The following MIER1 variants were observed in gnomAD, a reference collection of about 807,000 sequenced individuals.
MIER1 encodes mesoderm induction early response protein 1.
MIER1 carries 40 observed loss-of-function variants against 75.7 expected under a neutral mutation model. That is an observed-to-expected ratio of 0.53 (90% CI 0.41 to 0.69). The LOEUF (loss-of-function observed/expected upper bound fraction) is 0.69. Ranked by LOEUF, MIER1 falls within the 30% of genes least tolerant of loss-of-function variation. The pLI, the probability that MIER1 is intolerant of heterozygous loss-of-function variation, is 0.00. For missense variants in MIER1, 574 were observed against 680.2 expected (o/e 0.84, Z 1.74); for synonymous variants, 213 against 223.4 (o/e 0.95, Z 0.42).
intron 1 of MIER1, chr1:66,925,649 C>T (rs999849128): frequency 3.1e-6 from 2 of 654,216 alleles, no homozygotes; most frequent in Non-Finnish European, 3.8e-6. Flanking sequence ...TGGGAGGATC[C>T]CTTGGGACAG....
chr1:66,969,199 A>G (rs1423778896), intron 8 of MIER1, among the ~76,000 whole-genome samples: 1 of 152,164 alleles, frequency 6.6e-6, no homozygotes. Context: ...AAACAAGGGA[A>G]GATAGAAGAA....
intron 2 of MIER1, among the ~76,000 whole-genome samples, chr1:66,934,569 C>CG (rs1654289087): frequency 1.1e-5 from 1 of 94,592 alleles, no homozygotes; most frequent in African/African-American, 4.5e-5. Flanking sequence ...CCATCATGCC[C>CG]GGCTTTTTTT....
chr1:66,938,262 C>T (rs1221409315), intron 2 of MIER1, among the ~76,000 whole-genome samples: 1 of 152,168 alleles, frequency 6.6e-6, no homozygotes, highest in East Asian at 1.9e-4. Context: ...TTCAAAATCT[C>T]TATTGTTAAT....
chr1:66,944,142 G>T (rs1157407697), intron 3 of MIER1, among the ~76,000 whole-genome samples: 1 of 151,982 alleles, frequency 6.6e-6, no homozygotes, highest in East Asian at 1.9e-4. Flanking sequence ...ATTATTGTGA[G>T]TAACTGAAGA....
intron 9 of MIER1, among the ~76,000 whole-genome samples, chr1:66,971,321 CATT>C (rs1414095127): frequency 6.6e-6 from 1 of 151,888 alleles, no homozygotes; most frequent in Non-Finnish European, 1.5e-5. Context: ...CCTTTTTAAT[CATT>C]GTTTTTTTCT....
chr1:66,959,672 A>T lies in MIER1; in HGVS notation c.635-7A>T. ...ATTTTATAGTATTGGTGTCTTATTT[A>T]TTCTAGATAGTGAAGTAGAAGAAGA... On this transcript the variant is annotated splice_region_variant and splice_polypyrimidine_tract_variant and intron_variant, in intron 6 of 13. Coordinates refer to ENST00000401041, the MANE Select transcript of MIER1 (RefSeq NM_001077700.3). 7.6e-7 allele frequency: 1 copy of T among 1,317,220 alleles called. No individual in the cohort carries two copies. The highest frequency in any genetic ancestry group is 1.0e-6 in the Non-Finnish European group (1 of 964,130). 81.6% of individuals were successfully genotyped at this position (1,317,220 alleles called of 1,614,324 possible).
At position 66,984,637 on chromosome 1, in the gene MIER1, A is replaced by G; in HGVS notation, c.1435A>G (p.Ile479Val). 6.2e-7 allele frequency: 1 copy of G among 1,613,862 alleles called. No individual in the cohort carries two copies. Among genetic ancestry groups the G allele is most frequent in the Admixed American group, 1.7e-5 (1 of 59,996 alleles). Reference protein sequence around the residue: ...KEEVKVEGLHINGPTGGNKKP... With the variant: ...KEEVKVEGLHVNGPTGGNKKP... ...GGAAGTAAAAGTTGAAGGGTTACAC[A>G]TTAATGGACCAACAGGTGGAAATAA... is the stretch of plus-strand genomic sequence containing the variant. Residue 479 changes from isoleucine to valine, a missense_variant, in exon 14 of 14, where the codon ATT (isoleucine) becomes GTT (valine). Physicochemically the swap from Ile to Val is conservative, Grantham distance 29 (BLOSUM62 3). Around this residue, in one of 3 missense-constraint regions of MIER1, gnomAD observed 164 missense variants for 154.3 expected, o/e 1.06. Coordinates refer to ENST00000401041, the MANE Select transcript of MIER1 (RefSeq NM_001077700.3).
At chr1:66,978,395 T>C (rs1197652332) in intron 12 of MIER1, among the ~76,000 whole-genome samples, 1 of 152,172 alleles carries the variant, frequency 6.6e-6, no homozygotes, top group Non-Finnish European at 1.5e-5. Flanking sequence ...TTGGAAATCA[T>C]GGGACAATGG....
chr1:66,926,004 A>C, intron 1 of MIER1, 138 bp from the exon 2 acceptor site: 1 of 662,556 alleles, frequency 1.5e-6, no homozygotes. Context: ...AGGCTCATTA[A>C]ATGTTTTTCT....
chr1:66,927,970 C>T (rs909042368), intron 2 of MIER1, among the ~76,000 whole-genome samples: 2 of 151,940 alleles, frequency 1.3e-5, no homozygotes, highest in African/African-American at 4.8e-5. Context: ...TAAGGTGGCT[C>T]CTGAAAATTT....
chr1:66,953,948 C>G (rs1659560667), intron 4 of MIER1, among the ~76,000 whole-genome samples: 2 of 151,720 alleles, frequency 1.3e-5, no homozygotes, highest in Non-Finnish European at 1.5e-5. Context: ...TATTTTTTTT[C>G]CATGTGATAA....
intron 4 of MIER1, among the ~76,000 whole-genome samples, chr1:66,955,484 C>T (rs749663509): frequency 7.3e-5 from 11 of 151,654 alleles, no homozygotes; most frequent in Non-Finnish European, 1.3e-4. Context: ...ACAGACCAAT[C>T]GTAGAGAGCC....
At chr1:66,955,523 C>T (rs1381413257) in intron 4 of MIER1, among the ~76,000 whole-genome samples, 1 of 151,698 alleles carries the variant, frequency 6.6e-6, no homozygotes, top group Non-Finnish European at 1.5e-5. Flanking sequence ...TGCTAATACA[C>T]CTTTTTTTGG....
intron 4 of MIER1, among the ~76,000 whole-genome samples, chr1:66,957,077 A>G (rs1224752141): frequency 6.6e-6 from 1 of 152,114 alleles, no homozygotes; most frequent in Non-Finnish European, 1.5e-5. Context: ...GCTTCAGACC[A>G]TGTGCATTGT....
In MIER1 at chr1:66,946,498, A is replaced by G. The variant is rs887755983; in HGVS notation, c.339+203A>G. ...TAACTTTATTATGTGCAATAACAGA[A>G]TTCACATAGTTACTTTGGTAAAACA... On this transcript the variant is annotated intron_variant, in intron 4 of 13. Transcript: ENST00000401041. 5 of 1,273,244 alleles carry G rather than the reference A, an allele frequency of 3.9e-6. No homozygotes were observed. In the East Asian group the frequency reaches 1.4e-4, roughly 34 times the overall value. 78.9% of individuals were successfully genotyped at this position (1,273,244 alleles called of 1,614,324 possible). A position where few individuals can be genotyped will look rare whatever the true frequency, so the allele number is the denominator to read the frequency against.
At chr1:66,981,340 A>C (rs1293153044) in intron 12 of MIER1, among the ~76,000 whole-genome samples, 2 of 152,236 alleles carry the variant, frequency 1.3e-5, no homozygotes, top group African/African-American at 4.8e-5. Flanking sequence ...GGAAGGTTTT[A>C]GGAGGTAATC....
At chr1:66,953,793 G>T (rs1659525295) in intron 4 of MIER1, among the ~76,000 whole-genome samples, 1 of 151,684 alleles carries the variant, frequency 6.6e-6, no homozygotes, top group Non-Finnish European at 1.5e-5. Context: ...TAGTAGAGTT[G>T]GGGTTCCACC....
rs1298186501 is a variant in MIER1, at chr1:66,985,837, TA to T, written c.*940del. The T allele has an allele frequency of 2.4e-4, 152 of 630,244 alleles. No homozygotes were observed. Among genetic ancestry groups the T allele is most frequent in the African/African-American group, 4.7e-4 (18 of 38,660 alleles). 39.0% of individuals were successfully genotyped at this position (630,244 alleles called of 1,614,324 possible). On this transcript the variant is annotated 3_prime_UTR_variant, in exon 14 of 14. Transcript: ENST00000401041. ...AAATTTTTTTTTTTTTTTTTTTTTT[TA>T]AATTTCTACTTAAGGGCAAGTAATT...
At chr1:66,936,637 A>G (rs922883643) in intron 2 of MIER1, among the ~76,000 whole-genome samples, 2 of 152,138 alleles carry the variant, frequency 1.3e-5, no homozygotes, top group Non-Finnish European at 2.9e-5. Context: ...CTGAAGACTG[A>G]TAAGTCTGAC....
Sources: allele counts gnomAD v4.1 joint callset (sites outside exome capture counted in the v4.1 genomes callset), GRCh38; gene constraint gnomAD v4.1.1; regional missense constraint gnomAD v4.1.1; transcripts MANE v1.5; gene names NCBI Gene and HGNC (gene_info 2026-07-23, HGNC 2026-07-21).